LRRTM4: variants seen among roughly 807,000 people sequenced by gnomAD.
LRRTM4 encodes the protein leucine rich repeat transmembrane neuronal 4.
In LRRTM4, 25 loss-of-function variants were observed where a neutral mutation model predicts 47.6. The observed-to-expected ratio is 0.53, with a 90% CI of 0.38 to 0.73. The LOEUF (loss-of-function observed/expected upper bound fraction) is 0.73, where lower values mean the gene tolerates loss of function less well. Among genes scored for constraint, LRRTM4 ranks in the 30% least tolerant of loss-of-function variants. The probability of loss-of-function intolerance (pLI) is 0.00; values close to 1 mark genes in which losing one functional copy is unlikely to be tolerated. For synonymous variants in LRRTM4, 311 were observed against 269.5 expected (o/e 1.15, Z -1.51); for missense variants, 638 against 713.4 (o/e 0.89, Z 1.20).
chr2:77,058,519 CTCAG>C (rs1452227013), intron 3 of LRRTM4, among the ~76,000 whole-genome samples: 2 of 152,004 alleles, frequency 1.3e-5, no homozygotes, highest in Non-Finnish European at 2.9e-5. Flanking sequence ...TTCTTCCACA[CTCAG>C]TATTTTCTTT....
At chr2:76,960,021 A>G (rs1675802207) in intron 3 of LRRTM4, among the ~76,000 whole-genome samples, 1 of 151,650 alleles carries the variant, frequency 6.6e-6, no homozygotes, top group African/African-American at 2.4e-5. Context: ...GCTACCTGTT[A>G]AAAAGGGCCT....
chr2:76,812,970 C>G (rs1013085126), intron 3 of LRRTM4, among the ~76,000 whole-genome samples: 1 of 151,914 alleles, frequency 6.6e-6, no homozygotes, highest in African/African-American at 2.4e-5. Context: ...AAAAAGACTC[C>G]TCAACCAATA....
At chr2:77,384,363 C>T (rs1673181245) in intron 3 of LRRTM4, among the ~76,000 whole-genome samples, 1 of 151,612 alleles carries the variant, frequency 6.6e-6, no homozygotes, top group Non-Finnish European at 1.5e-5. Context: ...AGTTATTTGA[C>T]TATTCAAAAA....
intron 3 of LRRTM4, among the ~76,000 whole-genome samples, chr2:77,146,243 A>G (rs1293791788): frequency 1.3e-5 from 2 of 152,176 alleles, no homozygotes; most frequent in African/African-American, 4.8e-5. Context: ...AAAGACGGGG[A>G]ACAGAATTAT....
intron 3 of LRRTM4, among the ~76,000 whole-genome samples, chr2:76,945,949 T>C (rs544349317): frequency 2.0e-5 from 3 of 152,154 alleles, no homozygotes; most frequent in East Asian, 1.9e-4. Flanking sequence ...CTGAATTCTC[T>C]TTAAACAATA....
intron 3 of LRRTM4, among the ~76,000 whole-genome samples, chr2:76,891,410 G>A (rs1432344938): frequency 6.6e-6 from 1 of 151,658 alleles, no homozygotes; most frequent in Non-Finnish European, 1.5e-5. Flanking sequence ...AAAAAATTAA[G>A]TATTTTAGCA....
chr2:77,509,794 A>T (rs999886196), intron 3 of LRRTM4, among the ~76,000 whole-genome samples: 1 of 152,178 alleles, frequency 6.6e-6, no homozygotes, highest in East Asian at 1.9e-4. Context: ...TGAAAAAATT[A>T]TATCACAGAA....
intron 3 of LRRTM4, among the ~76,000 whole-genome samples, chr2:77,307,121 C>A (rs1288224072): frequency 2.6e-5 from 4 of 151,684 alleles, no homozygotes; most frequent in African/African-American, 9.7e-5. Flanking sequence ...AGGATGGTCT[C>A]GATCTCCTGA....
At chr2:77,256,144 C>T (rs1675758504) in intron 3 of LRRTM4, among the ~76,000 whole-genome samples, 1 of 151,932 alleles carries the variant, frequency 6.6e-6, no homozygotes, top group Non-Finnish European at 1.5e-5. Flanking sequence ...ATGATGCAAA[C>T]AATTCCACAA....
chr2:77,387,502 T>C (rs1291874532), intron 3 of LRRTM4, among the ~76,000 whole-genome samples: 1 of 152,128 alleles, frequency 6.6e-6, no homozygotes, highest in East Asian at 1.9e-4. Context: ...GGTCTCTCAG[T>C]TGTCATGCAA....
intron 3 of LRRTM4, among the ~76,000 whole-genome samples, chr2:77,380,734 T>A (rs1161026075): frequency 6.6e-6 from 1 of 151,256 alleles, no homozygotes; most frequent in Non-Finnish European, 1.5e-5. Context: ...AGGCAGAGGA[T>A]GTAGTGAGCC....
chr2:77,159,425 G>T (rs151153724), intron 3 of LRRTM4, among the ~76,000 whole-genome samples: 1 of 151,038 alleles, frequency 6.6e-6, no homozygotes, highest in Non-Finnish European at 1.5e-5. Context: ...TAATGTAAAT[G>T]ACGAATTAAT....
At chr2:76,872,768 G>C (rs928475857) in intron 3 of LRRTM4, among the ~76,000 whole-genome samples, 14 of 152,142 alleles carry the variant, frequency 9.2e-5, no homozygotes, top group Non-Finnish European at 1.9e-4. Flanking sequence ...TTTGGGTCAT[G>C]GTGCCAGAAC....
intron 3 of LRRTM4, among the ~76,000 whole-genome samples, chr2:77,449,671 T>C (rs1394277216): frequency 6.6e-6 from 1 of 152,178 alleles, no homozygotes; most frequent in Admixed American, 6.5e-5. Flanking sequence ...CGGAATACAC[T>C]GCTGAAAAAG....
chr2:77,004,051 T>C (rs1677538369), intron 3 of LRRTM4, among the ~76,000 whole-genome samples: 1 of 152,116 alleles, frequency 6.6e-6, no homozygotes, highest in African/African-American at 2.4e-5. Flanking sequence ...AGGGTATCCA[T>C]TGGAAGAAAT....
At chr2:76,808,174 C>T (rs991021296) in intron 3 of LRRTM4, among the ~76,000 whole-genome samples, 4 of 151,836 alleles carry the variant, frequency 2.6e-5, no homozygotes, top group Admixed American at 6.6e-5. Flanking sequence ...GCGCCCGCCA[C>T]GACGCCAGGC....
rs541748763 is a variant in LRRTM4 at position 76,749,199 on chromosome 2, C to T, written c.1552-283G>A. 6.6e-5 allele frequency among the ~76,000 whole-genome samples: 10 copies of T among 152,226 alleles called. No individual in the cohort carries two copies. In the South Asian group the frequency reaches 1.7e-3, roughly 25 times the overall value. On this transcript the variant is annotated intron_variant, in intron 3 of 3. Coordinates refer to ENST00000409884, the MANE Select transcript of LRRTM4 (RefSeq NM_001134745.3). Reference sequence around the variant, plus strand: ...TGCAATAACAGAAAGTTAGAAACAACCTAAATGCCCAGGGAATTTTAAAAT... The same window carrying T: ...TGCAATAACAGAAAGTTAGAAACAATCTAAATGCCCAGGGAATTTTAAAAT...
At chr2:76,766,778 T>C (rs572315662) in intron 3 of LRRTM4, among the ~76,000 whole-genome samples, 2 of 152,308 alleles carry the variant, frequency 1.3e-5, no homozygotes, top group East Asian at 3.9e-4. Context: ...ACATTTTTGG[T>C]TGTGGAGATT....
chr2:77,202,261 G>A (rs1021202714), intron 3 of LRRTM4, among the ~76,000 whole-genome samples: 1 of 152,010 alleles, frequency 6.6e-6, no homozygotes. Context: ...CACCATTTCT[G>A]CTGATGATTA....
Sources: allele counts gnomAD v4.1 joint callset (sites outside exome capture counted in the v4.1 genomes callset), GRCh38; gene constraint gnomAD v4.1.1; transcripts MANE v1.5; gene names NCBI Gene and HGNC (gene_info 2026-07-23, HGNC 2026-07-21).